Variants in EOGT observed in about 807,000 individuals in gnomAD.
EOGT encodes EGF domain-specific O-linked N-acetylglucosamine transferase.
EOGT carries 55 observed loss-of-function variants against 70.5 expected under a neutral mutation model. That is an observed-to-expected ratio of 0.78 (90% CI 0.63 to 0.98). The LOEUF (loss-of-function observed/expected upper bound fraction) is 0.98. EOGT is among the 50% of genes least tolerant of loss of function. The pLI is 0.00. For synonymous variants in EOGT, 246 were observed against 217.1 expected (o/e 1.13, Z -1.17); for missense variants, 703 against 641.9 (o/e 1.10, Z -1.03).
At chr3:69,004,919 C>T (rs1420107601) in intron 7 of EOGT, among the ~76,000 whole-genome samples, 2 of 151,836 alleles carry the variant, frequency 1.3e-5, no homozygotes. Context: ...AAAAATTAGC[C>T]AAGCCTGGCG....
chr3:68,995,347 C>T (rs2107285719), intron 10 of EOGT, among the ~76,000 whole-genome samples: 1 of 152,296 alleles, frequency 6.6e-6, no homozygotes, highest in African/African-American at 2.4e-5. Flanking sequence ...GTCCTGAGAA[C>T]CTGGCTTAGT....
At chr3:68,986,923 CCA>C (rs2090826964) in intron 14 of EOGT, among the ~76,000 whole-genome samples, 1 of 152,106 alleles carries the variant, frequency 6.6e-6, no homozygotes, top group Non-Finnish European at 1.5e-5. Context: ...TATCTTCAGG[CCA>C]TGATGTTGTA....
intron 9 of EOGT, among the ~76,000 whole-genome samples, 164 bp from the exon 10 acceptor site, chr3:68,998,278 T>C (rs1022880756): frequency 6.6e-6 from 1 of 152,222 alleles, no homozygotes. Flanking sequence ...TCTAGATACA[T>C]AGGTAGTCCT....
chr3:68,992,809 G>A (rs891028819), intron 10 of EOGT, among the ~76,000 whole-genome samples: 4 of 152,224 alleles, frequency 2.6e-5, no homozygotes, highest in African/African-American at 7.2e-5. Context: ...AAATCTAGGT[G>A]GAGGTTCCCA....
chr3:68,976,155 CTTCT>C lies in EOGT; in HGVS notation c.*1459_*1462del, dbSNP rs2090467723. ...TTTAATCAATGACACTGTTTTAGAG[CTTCT>C]TTTTCACTTTCATTGAATAAGTCAC... On this transcript the variant is annotated 3_prime_UTR_variant, in exon 18 of 18. Transcript: ENST00000383701. 6.6e-6 allele frequency: 1 copy of C among 152,170 alleles called. No homozygotes were observed. Among genetic ancestry groups the C allele is most frequent in the Non-Finnish European group, 1.5e-5 (1 of 68,028 alleles). 9.4% of individuals were successfully genotyped at this position (152,170 alleles called of 1,614,324 possible).
chr3:68,993,047 T>C (rs2091041453), intron 10 of EOGT, among the ~76,000 whole-genome samples: 1 of 152,186 alleles, frequency 6.6e-6, no homozygotes, highest in East Asian at 1.9e-4. Flanking sequence ...TCCAGGCCTG[T>C]GATGGGAAGC....
At chr3:69,008,238 G>A (rs1203116539) in intron 5 of EOGT, among the ~76,000 whole-genome samples, 190 bp downstream of exon 5, 1 of 152,166 alleles carries the variant, frequency 6.6e-6, no homozygotes, top group African/African-American at 2.4e-5. Flanking sequence ...TTCTCCCTCT[G>A]GCAGAGGAAA....
At chr3:68,999,691 C>T (rs570065347) in intron 9 of EOGT, among the ~76,000 whole-genome samples, 1 of 152,266 alleles carries the variant, frequency 6.6e-6, no homozygotes, top group East Asian at 1.9e-4. Flanking sequence ...AAATAAAGTT[C>T]TATCAGAATC....
chr3:69,012,191 C>G (rs1445518634), intron 2 of EOGT, among the ~76,000 whole-genome samples, 200 bp from the exon 3 acceptor site: 1 of 152,180 alleles, frequency 6.6e-6, no homozygotes, highest in Non-Finnish European at 1.5e-5. Flanking sequence ...GGCACCACCC[C>G]CAACACAGCA....
chr3:68,977,846 G>C, intron 17 of EOGT, 82 bp from the exon 18 acceptor site: 1 of 1,405,546 alleles, frequency 7.1e-7, no homozygotes, highest in Non-Finnish European at 9.6e-7. Flanking sequence ...TGTTACTTTG[G>C]TTAAGGCAAC....
In EOGT at chr3:69,007,888, T is replaced by A. The variant is rs530615823; in HGVS notation, c.312-67A>T. On this transcript the variant is annotated intron_variant, in intron 5 of 17. Transcript: ENST00000383701. ...TTTTTTGGACCTTGAATTTTCATTC[T>A]AAAGGTTAAAATGCTAGAGGTTCCT... is the stretch of plus-strand genomic sequence containing the variant. The A allele has an allele frequency of 9.7e-6, 11 of 1,129,418 alleles. No individual in the cohort carries two copies. In the African/African-American group the frequency reaches 1.7e-4, roughly 18 times the overall value. The allele number at this position is 1,129,418 out of a possible 1,614,324, so 70.0% of individuals were successfully genotyped here.
At chr3:68,993,783 C>T (rs2091064966) in intron 10 of EOGT, among the ~76,000 whole-genome samples, 1 of 152,106 alleles carries the variant, frequency 6.6e-6, no homozygotes, top group South Asian at 2.1e-4. Flanking sequence ...GCCTCAGAAT[C>T]ATAGTGGGAG....
intron 14 of EOGT, among the ~76,000 whole-genome samples, chr3:68,986,527 G>T (rs569000884): frequency 6.6e-6 from 1 of 152,210 alleles, no homozygotes; most frequent in African/African-American, 2.4e-5. Flanking sequence ...CAGTCATATT[G>T]GTATTCTGTT....
intron 10 of EOGT, among the ~76,000 whole-genome samples, chr3:68,989,309 C>T (rs1327388925): frequency 1.3e-5 from 2 of 152,116 alleles, no homozygotes; most frequent in Non-Finnish European, 2.9e-5. Flanking sequence ...GGGCTTTTTC[C>T]TGTGAACATC....
chr3:68,987,396 C>A (rs769011820), intron 14 of EOGT, 49 bp downstream of exon 14: 6 of 1,237,364 alleles, frequency 4.8e-6, no homozygotes, highest in Non-Finnish European at 7.0e-6. Context: ...ACACAATTTG[C>A]TCTATGAATT....
rs374647340 is a variant in EOGT at position 68,991,295 on chromosome 3, T to G, written c.832-2278A>C. ...CAAGATGACATAAAATTTCCTTTAGTGTGTCTCAAATTTAAACATGCACAT... is the reference window on the plus strand; with the variant it reads ...CAAGATGACATAAAATTTCCTTTAGGGTGTCTCAAATTTAAACATGCACAT... On this transcript the variant is annotated intron_variant, in intron 10 of 17. Transcript: ENST00000383701. 2.0e-5 allele frequency among the ~76,000 whole-genome samples: 3 copies of G among 152,364 alleles called. No individual in the cohort carries two copies. In the East Asian group the frequency reaches 5.8e-4, roughly 29 times the overall value.
Position 68,977,790 on chromosome 3 carries a change from T to C in EOGT, c.1438-26A>G, listed in dbSNP as rs746138157. The C allele has an allele frequency of 6.3e-6, 10 of 1,597,738 alleles. No homozygotes were observed. In the African/African-American group the frequency reaches 1.4e-4, roughly 22 times the overall value. On this transcript the variant is annotated intron_variant, in intron 17 of 17. Coordinates refer to ENST00000383701, the MANE Select transcript of EOGT (RefSeq NM_001278689.2). ...CTGTGAAAATAAACCAAAACACGAA[T>C]CCATAACTCAATGAGGGCATGGTTT... is the stretch of plus-strand genomic sequence containing the variant.
At chr3:69,013,051 T>C (rs1333541450) in intron 1 of EOGT, among the ~76,000 whole-genome samples, 1 of 151,974 alleles carries the variant, frequency 6.6e-6, no homozygotes, top group Non-Finnish European at 1.5e-5. Context: ...CGGCTGCCCC[T>C]TGAACGTCAG....
chr3:68,993,441 T>C (rs1553667634), intron 10 of EOGT, among the ~76,000 whole-genome samples: 2 of 152,178 alleles, frequency 1.3e-5, no homozygotes, highest in Non-Finnish European at 2.9e-5. Context: ...CCCAACAGGT[T>C]CCTCATCTCC....
Sources: allele counts gnomAD v4.1 joint callset (sites outside exome capture counted in the v4.1 genomes callset), GRCh38; gene constraint gnomAD v4.1.1; transcripts MANE v1.5; gene names NCBI Gene and HGNC (gene_info 2026-07-23, HGNC 2026-07-21).